TLE4: variants seen among roughly 807,000 people sequenced by gnomAD.
The protein encoded by TLE4 is TLE family member 4, transcriptional corepressor, also known as transducin-like enhancer protein 4.
Under a neutral mutation model 92.8 loss-of-function variants are expected in TLE4, and 8 were observed. That is an observed-to-expected ratio of 0.09 (90% confidence interval 0.05 to 0.16). The LOEUF (loss-of-function observed/expected upper bound fraction) is 0.16. TLE4 is among the 10% of genes least tolerant of loss of function. The pLI, the probability that TLE4 is intolerant of heterozygous loss-of-function variation, is 1.00. For synonymous variants in TLE4, 371 were observed against 374.1 expected (o/e 0.99, Z 0.10); for missense variants, 675 against 997.6 (o/e 0.68, Z 4.36).
chr9:79,699,933 A>G (rs1002602546), intron 8 of TLE4, among the ~76,000 whole-genome samples: 4 of 152,178 alleles, frequency 2.6e-5, no homozygotes, highest in African/African-American at 7.2e-5. Flanking sequence ...CAGAATATCT[A>G]TGCTGGGGGA....
chr9:79,621,665 G>A (rs1272298353), intron 5 of TLE4, among the ~76,000 whole-genome samples: 1 of 152,072 alleles, frequency 6.6e-6, no homozygotes, highest in Non-Finnish European at 1.5e-5. Context: ...CTGTAGTTCC[G>A]CCATCCCAAT....
At chr9:79,711,239 G>A (rs997906229) in intron 14 of TLE4, among the ~76,000 whole-genome samples, 4 of 152,180 alleles carry the variant, frequency 2.6e-5, no homozygotes, top group African/African-American at 9.7e-5. Context: ...TAATAGGGGA[G>A]AAAAGACAAA....
chr9:79,705,636 G>A (rs2071329210), intron 9 of TLE4, among the ~76,000 whole-genome samples: 1 of 152,234 alleles, frequency 6.6e-6, no homozygotes. Flanking sequence ...CTTCAAGTTT[G>A]TAACTGAAAA....
intron 8 of TLE4, among the ~76,000 whole-genome samples, chr9:79,666,092 G>A (rs767823395): frequency 6.6e-6 from 1 of 151,996 alleles, no homozygotes; most frequent in South Asian, 2.1e-4. Context: ...ACAAGTGGCA[G>A]TGAGTAAACT....
chr9:79,678,813 T>C (rs1242120923), intron 8 of TLE4, among the ~76,000 whole-genome samples: 2 of 136,916 alleles, frequency 1.5e-5, no homozygotes, highest in Non-Finnish European at 3.1e-5. Flanking sequence ...GATGTTCCCC[T>C]TCCTGTGTCC....
At chr9:79,635,073 T>G in intron 6 of TLE4, among the ~76,000 whole-genome samples, 1 of 152,194 alleles carries the variant, frequency 6.6e-6, no homozygotes, top group East Asian at 1.9e-4. Context: ...TCTACTATTT[T>G]GCAGTTTCAC....
At chr9:79,597,471 GT>G (rs997148645) in intron 4 of TLE4, among the ~76,000 whole-genome samples, 5 of 151,742 alleles carry the variant, frequency 3.3e-5, no homozygotes, top group African/African-American at 4.9e-5. Context: ...GAATCTCAGG[GT>G]TTTTTTTCTA....
At chr9:79,670,324 G>A (rs1423238436) in intron 8 of TLE4, among the ~76,000 whole-genome samples, 1 of 152,070 alleles carries the variant, frequency 6.6e-6, no homozygotes, top group South Asian at 2.1e-4. Context: ...ATGAGACCCT[G>A]GGCAAAAGCA....
intron 4 of TLE4, among the ~76,000 whole-genome samples, chr9:79,598,075 G>GA (rs748860967): frequency 0.027 from 1,778 of 65,744 alleles, 37 homozygotes; most frequent in African/African-American, 0.07. Context: ...TACTGAAAAA[G>GA]AAAAAAAAAA....
intron 8 of TLE4, among the ~76,000 whole-genome samples, chr9:79,677,178 A>T (rs1368748260): frequency 6.6e-6 from 1 of 152,166 alleles, no homozygotes; most frequent in East Asian, 1.9e-4. Flanking sequence ...TAAATGAGAC[A>T]GTGTGTGTAA....
intron 4 of TLE4, among the ~76,000 whole-genome samples, chr9:79,591,810 A>G (rs2042587993): frequency 6.6e-6 from 1 of 152,148 alleles, no homozygotes; most frequent in Non-Finnish European, 1.5e-5. Flanking sequence ...AGAAAAAGAT[A>G]CTTTAGAAGG....
rs200523517 is a variant in TLE4 at position 79,718,782 on chromosome 9, C to T, written c.1401C>T (p.Asp467=). The change falls in exon 15 of 20, where the codon GAC becomes GAT. Residue 467 remains aspartate (D), a synonymous_variant. Coordinates refer to ENST00000376552, the MANE Select transcript of TLE4 (RefSeq NM_007005.6). ...TGCAGCCTGTCCCTTTTCCACCCGA[C>T]GCCCTCATCGGACCTGGAATCCCCC... ...GQMQPVPFPP[D]ALIGPGIPRH... 71 of 1,614,164 alleles carry T rather than the reference C, an allele frequency of 4.4e-5. 1 individual carries two copies. Among genetic ancestry groups the T allele is most frequent in the Middle Eastern group, 3.3e-4 (2 of 6,062 alleles).
chr9:79,654,255 C>G (rs922517325), intron 8 of TLE4, among the ~76,000 whole-genome samples, 180 bp downstream of exon 8: 2 of 145,176 alleles, frequency 1.4e-5, no homozygotes, highest in African/African-American at 2.6e-5. Context: ...TTTTAAAGGT[C>G]CCATTTCTCT....
intron 8 of TLE4, among the ~76,000 whole-genome samples, chr9:79,668,555 A>G (rs1030981512): frequency 2.6e-5 from 4 of 152,160 alleles, no homozygotes; most frequent in Non-Finnish European, 5.9e-5. Flanking sequence ...TCAAAAAGCC[A>G]CGCTCTTTAC....
rs2076366972 is a variant in TLE4, at chr9:79,726,259, C to T, written c.*1115C>T. 6.6e-6 allele frequency: 1 copy of T among 152,622 alleles called. No homozygotes were observed. The highest frequency in any genetic ancestry group is 1.5e-5 in the Non-Finnish European group (1 of 68,036). The allele number at this position is 152,622 out of a possible 1,614,324, so 9.5% of individuals were successfully genotyped here. A position where few individuals can be genotyped will look rare whatever the true frequency, so the allele number is the denominator to read the frequency against. ...TCCCTGAAATGGACACAGGCTGTGC[C>T]ATTGTGCCAGAAACATTGTGTTATC... On this transcript the variant is annotated 3_prime_UTR_variant, in exon 20 of 20. Coordinates refer to ENST00000376552, the MANE Select transcript of TLE4 (RefSeq NM_007005.6).
chr9:79,718,975 A>G lies in TLE4; in HGVS notation c.1590+4A>G, dbSNP rs771817410. On this transcript the variant is annotated splice_donor_region_variant and intron_variant, in intron 15 of 19. Transcript: ENST00000376552. ...TGTCTCCCAGCTCGACTGTCTGGTG[A>G]GTGAACATGGATGAACAAGACTTAG... 1 of 1,605,916 alleles carries G rather than the reference A, an allele frequency of 6.2e-7. No homozygotes were observed. Among genetic ancestry groups the G allele is most frequent in the South Asian group, 1.1e-5 (1 of 90,712 alleles).
intron 8 of TLE4, among the ~76,000 whole-genome samples, chr9:79,666,163 CTGTGTGTGTGTGTGTG>C (rs34558090): frequency 1.6e-5 from 2 of 126,472 alleles, no homozygotes; most frequent in South Asian, 2.6e-4. Flanking sequence ...TTTCCTTCAT[CTGTGTGTGTGTGTGTG>C]TGTGTGTGTG....
chr9:79,573,686 C>A lies in TLE4; in HGVS notation c.46-3C>A. The A allele has an allele frequency of 1.9e-6, 3 of 1,593,870 alleles. No homozygotes were observed. Among genetic ancestry groups the A allele is most frequent in the Non-Finnish European group, 1.7e-6 (2 of 1,165,394 alleles). On this transcript the variant is annotated splice_polypyrimidine_tract_variant and splice_region_variant and intron_variant, in intron 1 of 19. Coordinates refer to ENST00000376552, the MANE Select transcript of TLE4 (RefSeq NM_007005.6). ...AATTAAATATTTTATTGTTGTTCTT[C>A]AGGCACCGCATCAGCCTGCTCAACC...
intron 8 of TLE4, among the ~76,000 whole-genome samples, chr9:79,679,083 C>T (rs930232255): frequency 7.9e-5 from 12 of 151,768 alleles, no homozygotes; most frequent in South Asian, 2.1e-4. Context: ...AGTAAACATA[C>T]GTGTGCATGT....
Sources: gnomAD v4.1 joint callset for allele counts (sites outside exome capture counted in the v4.1 genomes callset) on GRCh38, gnomAD v4.1.1 for gene constraint, MANE v1.5 for transcripts, NCBI Gene and HGNC (gene_info 2026-07-23, HGNC 2026-07-21) for gene names.